The following GARRE1 variants were observed in gnomAD, a reference collection of about 807,000 sequenced individuals.
GARRE1 encodes the protein granule associated Rac and RHOG effector 1, also known as granule associated Rac and RHOG effector protein 1.
A neutral mutation model predicts 103.2 loss-of-function variants in GARRE1; 49 were observed. That is an observed-to-expected ratio of 0.47 (90% CI 0.38 to 0.60). The LOEUF (loss-of-function observed/expected upper bound fraction) is 0.60. GARRE1 is among the 20% of genes least tolerant of loss of function. The pLI, the probability that GARRE1 is intolerant of heterozygous loss-of-function variation, is 0.00. For synonymous variants in GARRE1, 505 were observed against 532.8 expected (o/e 0.95, Z 0.72); for missense variants, 1,199 against 1,370.5 (o/e 0.87, Z 1.98).
In GARRE1 at chr19:34,288,042, A is replaced by G. The variant is rs565154299; in HGVS notation, c.-795-11637A>G. On this transcript the variant is annotated intron_variant, in intron 1 of 13. Transcript: ENST00000299505. ...ATAGTGGGTAGTATGATTGCAAAGGATCTCGTGTTTTTCTCTGTGGTTCCA... is the reference window on the plus strand; with the variant it reads ...ATAGTGGGTAGTATGATTGCAAAGGGTCTCGTGTTTTTCTCTGTGGTTCCA... Among the ~76,000 whole-genome samples the G allele has an allele frequency of 5.9e-5, 9 of 152,024 alleles. No individual in the cohort carries two copies. The South Asian group carries it at 6.3e-4, about 11-fold the overall frequency.
chr19:34,306,728 A>G (rs2074008884), intron 2 of GARRE1, among the ~76,000 whole-genome samples: 1 of 152,216 alleles, frequency 6.6e-6, no homozygotes, highest in African/African-American at 2.4e-5. Context: ...TATCACTTAA[A>G]TAAAATTACT....
At chr19:34,289,114 A>G (rs962802392) in intron 1 of GARRE1, among the ~76,000 whole-genome samples, 2 of 151,106 alleles carry the variant, frequency 1.3e-5, no homozygotes, top group Admixed American at 6.6e-5. Context: ...AGCCTGGGCA[A>G]CAGAGCAAGA....
At chr19:34,258,417 C>A (rs1030408081) in intron 1 of GARRE1, among the ~76,000 whole-genome samples, 2 of 152,120 alleles carry the variant, frequency 1.3e-5, no homozygotes, top group African/African-American at 4.8e-5. Context: ...GAGTTTTCTG[C>A]AGGTCAATTC....
intron 10 of GARRE1, among the ~76,000 whole-genome samples, chr19:34,347,423 T>C (rs1411901846): frequency 1.3e-5 from 2 of 152,128 alleles, no homozygotes; most frequent in East Asian, 3.9e-4. Context: ...GATGAGGTTT[T>C]GCCGTGTTGG....
At chr19:34,309,961 C>T (rs2074029218) in intron 2 of GARRE1, among the ~76,000 whole-genome samples, 4 of 151,994 alleles carry the variant, frequency 2.6e-5, no homozygotes, top group South Asian at 4.2e-4. Context: ...GAGAAAAGAC[C>T]GTCTCTGAAA....
Position 34,300,219 on chromosome 19 carries a change from A to G in GARRE1, c.-255A>G, listed in dbSNP as rs935282312. The G allele has an allele frequency of 9.7e-6, 4 of 413,264 alleles. No individual in the cohort carries two copies. Among genetic ancestry groups the G allele is most frequent in the Non-Finnish European group, 1.7e-5 (4 of 233,814 alleles). The allele number at this position is 413,264 out of a possible 1,614,324, so 25.6% of individuals were successfully genotyped here. On this transcript the variant is annotated 5_prime_UTR_variant, in exon 2 of 14. Transcript: ENST00000299505. Reference sequence around the variant, plus strand: ...CCTTTTAGTAAGAGAGTGGAATGCTAAACAGTTCTTATCCAGCATTTTGGA... The same window carrying G: ...CCTTTTAGTAAGAGAGTGGAATGCTGAACAGTTCTTATCCAGCATTTTGGA...
chr19:34,277,558 TA>T (rs1436793473), intron 1 of GARRE1, among the ~76,000 whole-genome samples: 2 of 152,192 alleles, frequency 1.3e-5, no homozygotes, highest in African/African-American at 4.8e-5. Flanking sequence ...TAGGCAAAAA[TA>T]TTTTTTGGGT....
chr19:34,330,381 A>T, intron 7 of GARRE1, 34 bp downstream of exon 7: 1 of 1,606,146 alleles, frequency 6.2e-7, no homozygotes, highest in Non-Finnish European at 8.5e-7. Flanking sequence ...GATAGGTAGA[A>T]TACCAAGATG....
intron 5 of GARRE1, 37 bp downstream of exon 5, chr19:34,327,903 G>T (rs2074119263): frequency 6.2e-7 from 1 of 1,612,990 alleles, no homozygotes; most frequent in South Asian, 1.1e-5. Flanking sequence ...GGGACCTATG[G>T]CGCTGCTCCT....
chr19:34,261,744 A>G (rs527585337), intron 1 of GARRE1, among the ~76,000 whole-genome samples: 1 of 152,288 alleles, frequency 6.6e-6, no homozygotes, highest in South Asian at 2.1e-4. Flanking sequence ...GGTATGAATA[A>G]GGAGTAGAGG....
intron 1 of GARRE1, among the ~76,000 whole-genome samples, chr19:34,270,348 CAG>C (rs1568523804): frequency 1.3e-5 from 2 of 152,192 alleles, no homozygotes; most frequent in Non-Finnish European, 2.9e-5. Flanking sequence ...TGGGTGGAGA[CAG>C]GGGTTGCTGT....
In GARRE1 at chr19:34,352,849, C is replaced by CG; in HGVS notation, c.3107_3108insG (p.Pro1038ThrfsTer24). 1.3e-6 allele frequency: 2 copies of CG among 1,537,730 alleles called. No individual in the cohort carries two copies. Among genetic ancestry groups the CG allele is most frequent in the Non-Finnish European group, 1.8e-6 (2 of 1,118,368 alleles). ...GCCGCTGCCTTCTCCTATGTGCAGACCCCACCCCAGCCCCCACCCCCACCA... is the reference window on the plus strand; with the variant it reads ...GCCGCTGCCTTCTCCTATGTGCAGACGCCCACCCCAGCCCCCACCCCCACCA... On this transcript the variant is annotated frameshift_variant, in exon 14 of 14. Transcript: ENST00000299505. LOFTEE classifies it high-confidence loss of function.
At chr19:34,289,722 C>CAA (rs35728238) in intron 1 of GARRE1, among the ~76,000 whole-genome samples, 7 of 142,100 alleles carry the variant, frequency 4.9e-5, no homozygotes, top group African/African-American at 1.3e-4. Flanking sequence ...GACTCTGTCT[C>CAA]AAAAAAAAAA....
intron 8 of GARRE1, among the ~76,000 whole-genome samples, chr19:34,339,259 T>C (rs1319392283): frequency 6.6e-6 from 1 of 152,226 alleles, no homozygotes; most frequent in African/African-American, 2.4e-5. Flanking sequence ...ACCAATCGGC[T>C]ATAAGTTGGG....
chr19:34,275,978 T>A (rs2073814936), intron 1 of GARRE1, among the ~76,000 whole-genome samples: 1 of 152,228 alleles, frequency 6.6e-6, no homozygotes, highest in African/African-American at 2.4e-5. Flanking sequence ...GTTAGTGATG[T>A]TGACTGTCTT....
chr19:34,284,114 C>T (rs1473316523), intron 1 of GARRE1, among the ~76,000 whole-genome samples: 3 of 135,434 alleles, frequency 2.2e-5, no homozygotes, highest in Non-Finnish European at 3.1e-5. Flanking sequence ...GCTGGGATTA[C>T]AGGCCCGGCT....
intron 1 of GARRE1, chr19:34,265,453 C>T (rs1047272747): frequency 3.9e-5 from 6 of 152,246 alleles, no homozygotes; most frequent in Non-Finnish European, 7.3e-5. Context: ...TGATGCCCCT[C>T]CTCAACTGTG....
At chr19:34,259,092 T>C (rs2073696577) in intron 1 of GARRE1, among the ~76,000 whole-genome samples, 1 of 152,042 alleles carries the variant, frequency 6.6e-6, no homozygotes, top group Admixed American at 6.6e-5. Context: ...TGCTTGAGCC[T>C]AGGAGGTTAA....
At chr19:34,259,661 TG>T (rs200458218) in intron 1 of GARRE1, among the ~76,000 whole-genome samples, 23 of 149,648 alleles carry the variant, frequency 1.5e-4, no homozygotes, top group South Asian at 2.1e-4. Context: ...AAGTTTTTTT[TG>T]TTTGTTTGTT....
Sources: gnomAD v4.1 joint callset for allele counts (sites outside exome capture counted in the v4.1 genomes callset) on GRCh38, gnomAD v4.1.1 for gene constraint, MANE v1.5 for transcripts, NCBI Gene and HGNC (gene_info 2026-07-23, HGNC 2026-07-21) for gene names.